Variants in STAU2 observed in about 807,000 individuals in gnomAD.
STAU2 encodes the protein double-stranded RNA-binding protein Staufen homolog 2.
A neutral mutation model predicts 65.9 loss-of-function variants in STAU2; 20 were observed. The observed-to-expected ratio is 0.30, with a 90% CI of 0.21 to 0.44. STAU2 has a LOEUF of 0.44. Ranked by LOEUF, STAU2 falls within the 20% of genes least tolerant of loss-of-function variation. STAU2 has a pLI of 1.00. For missense variants in STAU2, 558 were observed against 683.9 expected (o/e 0.82, Z 2.05); for synonymous variants, 232 against 233.9 (o/e 0.99, Z 0.07).
chr8:73,616,717 G>C (rs1812853776), intron 7 of STAU2, among the ~76,000 whole-genome samples: 1 of 152,026 alleles, frequency 6.6e-6, no homozygotes, highest in South Asian at 2.1e-4. Flanking sequence ...AGAATCGCTT[G>C]AACCCGGGAG....
intron 13 of STAU2, among the ~76,000 whole-genome samples, chr8:73,475,117 G>A (rs891875813): frequency 5.9e-5 from 9 of 152,126 alleles, no homozygotes; most frequent in African/African-American, 2.2e-4. Flanking sequence ...TTGGGGAGAG[G>A]GTGTGACTGG....
intron 11 of STAU2, among the ~76,000 whole-genome samples, chr8:73,588,586 G>A (rs759089048): frequency 6.6e-6 from 1 of 152,164 alleles, no homozygotes. Flanking sequence ...TAAGCCACCG[G>A]GGGAAGGGTA....
intron 4 of STAU2, among the ~76,000 whole-genome samples, chr8:73,701,288 G>C (rs1012691825): frequency 1.3e-5 from 2 of 152,032 alleles, no homozygotes; most frequent in Non-Finnish European, 2.9e-5. Context: ...ATCACATCAA[G>C]TTAAAAACCT....
At chr8:73,576,960 C>A (rs532549039) in intron 12 of STAU2, among the ~76,000 whole-genome samples, 1 of 152,110 alleles carries the variant, frequency 6.6e-6, no homozygotes, top group Non-Finnish European at 1.5e-5. Flanking sequence ...TTTTAAACAC[C>A]TTTTGATCCC....
Position 73,711,905 on chromosome 8 carries a change from G to C in STAU2, c.-17-2743C>G, listed in dbSNP as rs1237440786. 2.6e-5 allele frequency among the ~76,000 whole-genome samples: 4 copies of C among 152,168 alleles called. No individual in the cohort carries two copies. In the East Asian group the frequency reaches 7.7e-4, roughly 29 times the overall value. On this transcript the variant is annotated intron_variant, in intron 3 of 14. Coordinates refer to ENST00000524300, the MANE Select transcript of STAU2 (RefSeq NM_001164380.2). ...ATAACTTAGGAAATAATTAGTCATA[G>C]TTGTTTTATTTTAAAAAGGGATTAA...
chr8:73,532,153 T>C (rs1208970067), intron 13 of STAU2, among the ~76,000 whole-genome samples: 3 of 152,196 alleles, frequency 2.0e-5, no homozygotes, highest in South Asian at 2.1e-4. Context: ...ATAAGACTGA[T>C]GAAACATGTT....
intron 6 of STAU2, among the ~76,000 whole-genome samples, chr8:73,642,715 C>G (rs534681754): frequency 1.8e-3 from 272 of 152,228 alleles, no homozygotes; most frequent in Non-Finnish European, 3.0e-3. Flanking sequence ...GAGAAAAAAG[C>G]AAGGCAGGGG....
At position 73,627,279 on chromosome 8, in the gene STAU2, T is replaced by C. The variant is rs1055422062; in HGVS notation, c.411-9828A>G. Among the ~76,000 whole-genome samples, 4 of 118,514 alleles carry C rather than the reference T, an allele frequency of 3.4e-5. No homozygotes were observed. The Admixed American group carries it at 3.4e-4, about 10-fold the overall frequency. 77.7% of individuals were successfully genotyped at this position (118,514 alleles called of 152,430 possible). ...TAGTATTTCTCAAGTGGGTCCCACA[T>C]AGAAAACACTGGAGTCTTCCTAATG... On this transcript the variant is annotated intron_variant, in intron 6 of 14. Coordinates refer to ENST00000524300, the MANE Select transcript of STAU2 (RefSeq NM_001164380.2).
rs542941843 is a variant in STAU2, at chr8:73,463,806, G to A, written c.1531-41104C>T. On this transcript the variant is annotated intron_variant, in intron 13 of 14. Coordinates refer to ENST00000524300, the MANE Select transcript of STAU2 (RefSeq NM_001164380.2). ...GCAACCACGAGGATATTCATGAACTGTGGTATGCAGGACGAGATAAGGACA... is the reference window on the plus strand; with the variant it reads ...GCAACCACGAGGATATTCATGAACTATGGTATGCAGGACGAGATAAGGACA... Among the ~76,000 whole-genome samples the A allele has an allele frequency of 7.9e-5, 12 of 152,282 alleles. No individual in the cohort carries two copies. In the South Asian group the frequency reaches 2.5e-3, roughly 32 times the overall value.
intron 9 of STAU2, among the ~76,000 whole-genome samples, chr8:73,606,196 TA>T (rs1246729628): frequency 6.6e-6 from 1 of 151,496 alleles, no homozygotes; most frequent in African/African-American, 2.4e-5. Flanking sequence ...ACGTTCCATG[TA>T]AAAAAACTAA....
intron 4 of STAU2, among the ~76,000 whole-genome samples, chr8:73,707,593 T>C (rs1290137492): frequency 6.6e-6 from 1 of 151,888 alleles, no homozygotes; most frequent in Non-Finnish European, 1.5e-5. Flanking sequence ...ATGACAATCA[T>C]GAGGGAATGT....
chr8:73,496,373 C>G (rs1268723546), intron 13 of STAU2, among the ~76,000 whole-genome samples: 1 of 151,486 alleles, frequency 6.6e-6, no homozygotes, highest in Non-Finnish European at 1.5e-5. Flanking sequence ...GATGTATATG[C>G]TCTGGAATGT....
chr8:73,459,884 T>C lies in STAU2; in HGVS notation c.1531-37182A>G, dbSNP rs533858078. On this transcript the variant is annotated intron_variant, in intron 13 of 14. Coordinates refer to ENST00000524300, the MANE Select transcript of STAU2 (RefSeq NM_001164380.2). ...AGCCACTGTCTCTGGAAGGAGCAAC[T>C]CCTATCGGGCACGGCTCCTTTGACT... 3.6e-3 allele frequency among the ~76,000 whole-genome samples: 555 copies of C among 152,238 alleles called. 3 individuals are homozygous for C. The highest frequency in any genetic ancestry group is 0.013 in the African/African-American group (528 of 41,546).
chr8:73,434,750 C>G (rs945198300), intron 13 of STAU2, among the ~76,000 whole-genome samples: 1 of 151,072 alleles, frequency 6.6e-6, no homozygotes, highest in Non-Finnish European at 1.5e-5. Flanking sequence ...ATTCTTTACA[C>G]TCCCTTTCTC....
chr8:73,551,243 T>G (rs1807314180), intron 13 of STAU2: 2 of 987,138 alleles, frequency 2.0e-6, no homozygotes, highest in Middle Eastern at 2.8e-4. Flanking sequence ...TTTTGTGGGG[T>G]TTTTTCCCAG....
intron 6 of STAU2, among the ~76,000 whole-genome samples, chr8:73,642,560 A>C (rs552717519): frequency 6.6e-6 from 1 of 152,262 alleles, no homozygotes; most frequent in East Asian, 1.9e-4. Context: ...CACTCTTCTG[A>C]AAATGAAGAC....
intron 2 of STAU2, 79 bp downstream of exon 2, chr8:73,739,677 T>G: frequency 8.9e-7 from 1 of 1,118,148 alleles, no homozygotes; most frequent in Non-Finnish European, 1.2e-6. Context: ...ACATTTCCTA[T>G]GAGAACGGGA....
At chr8:73,671,638 TAAC>T (rs1328816117) in intron 6 of STAU2, among the ~76,000 whole-genome samples, 1 of 151,988 alleles carries the variant, frequency 6.6e-6, no homozygotes, top group Non-Finnish European at 1.5e-5. Flanking sequence ...GCAGCAATCT[TAAC>T]AAAAAAGAGG....
chr8:73,602,079 T>C (rs1360682329), intron 10 of STAU2, among the ~76,000 whole-genome samples: 3 of 152,018 alleles, frequency 2.0e-5, no homozygotes, highest in Non-Finnish European at 4.4e-5. Flanking sequence ...AGGAGTGACT[T>C]ATCTATGACT....
Sources: gnomAD v4.1 joint callset for allele counts (sites outside exome capture counted in the v4.1 genomes callset) on GRCh38, gnomAD v4.1.1 for gene constraint, MANE v1.5 for transcripts, NCBI Gene and HGNC (gene_info 2026-07-23, HGNC 2026-07-21) for gene names.